PCDH15: variants seen among roughly 807,000 people sequenced by gnomAD.
PCDH15 encodes the protein protocadherin-15.
PCDH15 carries 129 observed loss-of-function variants against 178.5 expected under a neutral mutation model. That is an observed-to-expected ratio of 0.72 (90% CI 0.63 to 0.84). PCDH15 has a LOEUF of 0.84. Ranked by LOEUF, PCDH15 falls within the 40% of genes least tolerant of loss-of-function variation. The pLI is 0.00. For synonymous variants in PCDH15, 800 were observed against 732.0 expected (o/e 1.09, Z -1.50); for missense variants, 2,230 against 2,099.9 (o/e 1.06, Z -1.21).
rs191128066 is a variant in PCDH15 at position 54,407,350 on chromosome 10, A to G, written c.158-28408T>C. ...ACGTTGGTATATTTCATTGATTTCA[A>G]TGTAGGTAAATCTAACCTCAAATAT... On this transcript the variant is annotated intron_variant, in intron 3 of 37. Coordinates refer to ENST00000644397, the MANE Select transcript of PCDH15 (RefSeq NM_001384140.1). 1.7e-4 allele frequency among the ~76,000 whole-genome samples: 26 copies of G among 152,216 alleles called. No individual in the cohort carries two copies. In the East Asian group the frequency reaches 4.8e-3, roughly 28 times the overall value.
chr10:54,712,934 G>A (rs900268528), intron 1 of PCDH15, among the ~76,000 whole-genome samples: 10 of 151,956 alleles, frequency 6.6e-5, no homozygotes, highest in African/African-American at 1.4e-4. Flanking sequence ...GTTTTAAATA[G>A]ACCTGTAAGA....
At chr10:55,034,701 C>A (rs10763174) in intron 2 of PCDH15, among the ~76,000 whole-genome samples, 70,765 of 151,922 alleles carry the variant, frequency 0.47, 18,169 homozygotes, top group East Asian at 0.75. Flanking sequence ...CATTTAATTT[C>A]TAGAATGAAA....
At chr10:55,423,716 C>G (rs1256747065) in intron 2 of PCDH15, among the ~76,000 whole-genome samples, 1 of 151,932 alleles carries the variant, frequency 6.6e-6, no homozygotes, top group Non-Finnish European at 1.5e-5. Context: ...AATCTAAATA[C>G]GCAACATACC....
At chr10:54,081,523 G>T (rs1366693691) in intron 16 of PCDH15, among the ~76,000 whole-genome samples, 1 of 152,110 alleles carries the variant, frequency 6.6e-6, no homozygotes, top group Non-Finnish European at 1.5e-5. Flanking sequence ...GTTGTAGGCA[G>T]TTGTGTGGTA....
chr10:54,244,488 A>G (rs1458284148), intron 8 of PCDH15, among the ~76,000 whole-genome samples: 2 of 152,216 alleles, frequency 1.3e-5, no homozygotes, highest in African/African-American at 4.8e-5. Flanking sequence ...TGGTAACAAA[A>G]GGTTGGTGAC....
chr10:54,910,105 C>G (rs1454960277), intron 2 of PCDH15, among the ~76,000 whole-genome samples: 3 of 152,136 alleles, frequency 2.0e-5, no homozygotes, highest in African/African-American at 7.2e-5. Flanking sequence ...TTAGCTGCTT[C>G]AGGGATGTGG....
intron 12 of PCDH15, among the ~76,000 whole-genome samples, chr10:54,184,670 T>TA (rs1178098357): frequency 6.6e-6 from 1 of 151,960 alleles, no homozygotes; most frequent in Non-Finnish European, 1.5e-5. Flanking sequence ...TAGATGCCTA[T>TA]AGTAACTACC....
At chr10:55,122,686 C>T (rs1178466445) in intron 2 of PCDH15, among the ~76,000 whole-genome samples, 3 of 152,020 alleles carry the variant, frequency 2.0e-5, no homozygotes, top group Non-Finnish European at 1.5e-5. Context: ...TTAAAATTAT[C>T]CATGAACAAG....
At chr10:55,207,259 G>T (rs879718687) in intron 1 of PCDH15, among the ~76,000 whole-genome samples, 1 of 152,038 alleles carries the variant, frequency 6.6e-6, no homozygotes, top group Non-Finnish European at 1.5e-5. Context: ...TATGGAACTT[G>T]TATGCCATAT....
intron 2 of PCDH15, among the ~76,000 whole-genome samples, chr10:55,475,064 G>T (rs1341349060): frequency 1.3e-5 from 2 of 152,070 alleles, no homozygotes; most frequent in African/African-American, 4.8e-5. Context: ...ATAAAGGAAG[G>T]TGCAGGGAGG....
intron 18 of PCDH15, among the ~76,000 whole-genome samples, chr10:54,062,357 T>C (rs544940517): frequency 1.3e-5 from 2 of 151,890 alleles, no homozygotes; most frequent in Admixed American, 1.3e-4. Flanking sequence ...ATAACTCAAA[T>C]TCAGTATAGT....
At chr10:54,298,679 G>A (rs565264865) in intron 8 of PCDH15, among the ~76,000 whole-genome samples, 47 of 152,316 alleles carry the variant, frequency 3.1e-4, no homozygotes, top group African/African-American at 1.1e-3. Flanking sequence ...GGTGCCTGGG[G>A]CAAGTGCCAG....
chr10:55,361,966 G>GA (rs1845240780), intron 2 of PCDH15, among the ~76,000 whole-genome samples: 1 of 152,032 alleles, frequency 6.6e-6, no homozygotes, highest in Non-Finnish European at 1.5e-5. Flanking sequence ...TGCTTGTGGA[G>GA]AAAATCTCCT....
intron 8 of PCDH15, among the ~76,000 whole-genome samples, chr10:54,248,115 G>A (rs985356314): frequency 4.0e-5 from 6 of 151,578 alleles, no homozygotes; most frequent in Non-Finnish European, 7.4e-5. Flanking sequence ...GAAACTAGAA[G>A]CTTAATTGAT....
chr10:55,102,088 T>C (rs1452099404), intron 2 of PCDH15, among the ~76,000 whole-genome samples: 3 of 152,084 alleles, frequency 2.0e-5, no homozygotes, highest in African/African-American at 7.2e-5. Context: ...TTATTGTACA[T>C]TGCTTTTTAA....
At chr10:55,549,520 ACAC>A (rs1438292012) in intron 2 of PCDH15, among the ~76,000 whole-genome samples, 1 of 152,158 alleles carries the variant, frequency 6.6e-6, no homozygotes, top group Non-Finnish European at 1.5e-5. Flanking sequence ...TTGAAGTTGG[ACAC>A]CACCAACAGC....
At chr10:55,593,237 A>C (rs1221384078) in intron 2 of PCDH15, among the ~76,000 whole-genome samples, 1 of 151,986 alleles carries the variant, frequency 6.6e-6, no homozygotes, top group Non-Finnish European at 1.5e-5. Context: ...CTTTTCCAAA[A>C]TGTATGCTAA....
chr10:54,769,949 T>C (rs1948909304), intron 1 of PCDH15, among the ~76,000 whole-genome samples: 1 of 152,176 alleles, frequency 6.6e-6, no homozygotes, highest in South Asian at 2.1e-4. Context: ...TGTTGTCCAG[T>C]ATTGTAGTCT....
intron 2 of PCDH15, among the ~76,000 whole-genome samples, chr10:55,531,878 G>T (rs1367675827): frequency 6.6e-6 from 1 of 152,030 alleles, no homozygotes; most frequent in African/African-American, 2.4e-5. Context: ...CTGTGTAAGA[G>T]ATCCCTTAAA....
Sources: gnomAD v4.1 joint callset for allele counts (sites outside exome capture counted in the v4.1 genomes callset) on GRCh38, gnomAD v4.1.1 for gene constraint, MANE v1.5 for transcripts, NCBI Gene and HGNC (gene_info 2026-07-23, HGNC 2026-07-21) for gene names.